CADPS2: variants seen among roughly 807,000 people sequenced by gnomAD.
CADPS2 encodes the protein calcium dependent secretion activator 2.
Under a neutral mutation model 172.5 loss-of-function variants are expected in CADPS2, and 93 were observed. The observed-to-expected ratio is 0.54, with a 90% CI of 0.46 to 0.64. CADPS2 has a LOEUF of 0.64. Ranked by LOEUF, CADPS2 falls within the 30% of genes least tolerant of loss-of-function variation. CADPS2 has a pLI of 0.00. For synonymous variants in CADPS2, 546 were observed against 555.2 expected, an observed-to-expected ratio of 0.98 and a Z score of 0.23; for missense variants, 1,420 against 1,565.9, an observed-to-expected ratio of 0.91 and a Z score of 1.57.
intron 6 of CADPS2, among the ~76,000 whole-genome samples, chr7:122,590,162 AAAAC>A (rs746303444): frequency 3.3e-5 from 5 of 151,898 alleles, no homozygotes; most frequent in Admixed American, 1.3e-4. Flanking sequence ...ATCTTAAAGA[AAAAC>A]AAACAAACAA....
intron 3 of CADPS2, among the ~76,000 whole-genome samples, chr7:122,654,011 A>C (rs928168222): frequency 6.6e-6 from 1 of 152,192 alleles, no homozygotes; most frequent in African/African-American, 2.4e-5. Context: ...TCTCATTTTA[A>C]GTCAAAAGCT....
intron 2 of CADPS2, among the ~76,000 whole-genome samples, chr7:122,706,348 T>C (rs192329537): frequency 0.031 from 1,774 of 57,724 alleles, 161 homozygotes; most frequent in Non-Finnish European, 0.034. Flanking sequence ...AAGGAATATA[T>C]ATATATGCTT....
rs2069605846 is a variant in CADPS2, at chr7:122,585,936, TCCTATCAAA to T, written c.1224-4655_1224-4647del. On this transcript the variant is annotated intron_variant, in intron 6 of 29. Transcript: ENST00000449022. ...TAGTAAGGTTATTTCTAAGGACTTA[TCCTATCAAA>T]ATAATTGTAAGTATTAAAAAGAGTC... is the stretch of plus-strand genomic sequence containing the variant. Among the ~76,000 whole-genome samples the T allele has an allele frequency of 2.0e-5, 3 of 152,068 alleles. No homozygotes were observed. The South Asian group carries it at 6.2e-4, about 32-fold the overall frequency.
chr7:122,729,084 C>T lies in CADPS2; in HGVS notation c.453+7871G>A, dbSNP rs79940747. ...TTGCTACCTCCATGTGATCAACTCTCTTAGATTCTACATATGAGGGAAATC... is the reference window on the plus strand; with the variant it reads ...TTGCTACCTCCATGTGATCAACTCTTTTAGATTCTACATATGAGGGAAATC... On this transcript the variant is annotated intron_variant, in intron 2 of 29. Coordinates refer to ENST00000449022, the MANE Select transcript of CADPS2 (RefSeq NM_017954.11). 3.5e-4 allele frequency among the ~76,000 whole-genome samples: 53 copies of T among 151,902 alleles called. No individual in the cohort carries two copies. The East Asian group carries it at 0.01, about 29-fold the overall frequency.
intron 24 of CADPS2, among the ~76,000 whole-genome samples, chr7:122,380,565 CCT>C (rs1176253515): frequency 6.6e-6 from 1 of 152,008 alleles, no homozygotes; most frequent in Non-Finnish European, 1.5e-5. Context: ...ACACTCCACC[CCT>C]CTCCCCAAGG....
At chr7:122,719,944 T>A (rs1019441298) in intron 2 of CADPS2, among the ~76,000 whole-genome samples, 3 of 151,972 alleles carry the variant, frequency 2.0e-5, no homozygotes, top group African/African-American at 7.2e-5. Flanking sequence ...ATATAAACCA[T>A]CTCAAAGAGG....
chr7:122,724,424 A>T (rs988395007), intron 2 of CADPS2, among the ~76,000 whole-genome samples: 1 of 152,048 alleles, frequency 6.6e-6, no homozygotes, highest in African/African-American at 2.4e-5. Flanking sequence ...GAAGCAGCTT[A>T]TAATTATCAC....
At chr7:122,378,026 T>C (rs1254252409) in intron 25 of CADPS2, among the ~76,000 whole-genome samples, 2 of 152,186 alleles carry the variant, frequency 1.3e-5, no homozygotes, top group Non-Finnish European at 1.5e-5. Context: ...ACAGTCTTTT[T>C]CCTATAAGAT....
chr7:122,439,862 T>G (rs755752941), intron 16 of CADPS2, among the ~76,000 whole-genome samples: 1 of 152,128 alleles, frequency 6.6e-6, no homozygotes, highest in Admixed American at 6.6e-5. Flanking sequence ...ATACTTCCCA[T>G]GGCAACAAAC....
chr7:122,736,865 C>G, intron 2 of CADPS2, 90 bp downstream of exon 2: 1 of 680,132 alleles, frequency 1.5e-6, no homozygotes, highest in Non-Finnish European at 2.6e-6. Flanking sequence ...GTCAGACCAG[C>G]AAGCTTCTTT....
At chr7:122,710,456 C>T (rs143367575) in intron 2 of CADPS2, among the ~76,000 whole-genome samples, 4 of 152,046 alleles carry the variant, frequency 2.6e-5, no homozygotes, top group East Asian at 1.9e-4. Context: ...CTGCTACATG[C>T]TAGCCATTTA....
chr7:122,726,028 T>C (rs1388926336), intron 2 of CADPS2, among the ~76,000 whole-genome samples: 1 of 151,922 alleles, frequency 6.6e-6, no homozygotes, highest in Non-Finnish European at 1.5e-5. Context: ...ATAGTGTTTA[T>C]TCAAGACAGT....
chr7:122,823,281 G>A (rs1563107161), intron 1 of CADPS2, among the ~76,000 whole-genome samples: 1 of 152,046 alleles, frequency 6.6e-6, no homozygotes, highest in Non-Finnish European at 1.5e-5. Flanking sequence ...ATTTTAGGGG[G>A]AAAAAATCTT....
intron 24 of CADPS2, among the ~76,000 whole-genome samples, chr7:122,380,466 ATTTT>A (rs200981819): frequency 6.9e-6 from 1 of 145,980 alleles, no homozygotes; most frequent in Non-Finnish European, 1.5e-5. Context: ...TTTGAAAGCT[ATTTT>A]TTTTTTTTGT....
At chr7:122,629,937 A>AT (rs996307599) in intron 3 of CADPS2, among the ~76,000 whole-genome samples, 108 of 152,018 alleles carry the variant, frequency 7.1e-4, no homozygotes, top group African/African-American at 2.2e-3. Flanking sequence ...TGCTCTCATC[A>AT]TTTTTTTTAG....
chr7:122,766,061 A>T (rs1244781464), intron 1 of CADPS2, among the ~76,000 whole-genome samples: 1 of 152,142 alleles, frequency 6.6e-6, no homozygotes, highest in Admixed American at 6.6e-5. Flanking sequence ...TGAGGGTCTC[A>T]TGCTGCTTCA....
At chr7:122,433,644 C>T (rs1396340593) in intron 17 of CADPS2, among the ~76,000 whole-genome samples, 2 of 152,148 alleles carry the variant, frequency 1.3e-5, no homozygotes, top group African/African-American at 4.8e-5. Context: ...CTCAAGTGAT[C>T]CACCCATTTT....
At chr7:122,711,011 C>A (rs184090314) in intron 2 of CADPS2, among the ~76,000 whole-genome samples, 1 of 152,040 alleles carries the variant, frequency 6.6e-6, no homozygotes, top group Admixed American at 6.6e-5. Context: ...ATATCTGGAG[C>A]TTTTATAATC....
chr7:122,411,803 A>G (rs1333387570), intron 19 of CADPS2, among the ~76,000 whole-genome samples: 1 of 152,130 alleles, frequency 6.6e-6, no homozygotes, highest in Non-Finnish European at 1.5e-5. Context: ...AAAAATATTT[A>G]AGTTCTCTTG....
Sources: gnomAD v4.1 joint callset for allele counts (sites outside exome capture counted in the v4.1 genomes callset) on GRCh38, gnomAD v4.1.1 for gene constraint, MANE v1.5 for transcripts, NCBI Gene and HGNC (gene_info 2026-07-23, HGNC 2026-07-21) for gene names.